Variants in NKAIN2 observed in about 807,000 individuals in gnomAD.
The protein encoded by NKAIN2 is sodium/potassium transporting ATPase interacting 2.
In NKAIN2, 14 loss-of-function variants were observed where a neutral mutation model predicts 32.6. The observed-to-expected ratio is 0.43, with a 90% CI of 0.28 to 0.67. The LOEUF is 0.67. Among genes scored for constraint, NKAIN2 ranks in the 30% least tolerant of loss-of-function variants. NKAIN2 has a pLI of 0.17. For missense variants in NKAIN2, 198 were observed against 258.3 expected, an observed-to-expected ratio of 0.77 and a Z score of 1.60; for synonymous variants, 80 against 87.2, an observed-to-expected ratio of 0.92 and a Z score of 0.46.
intron 1 of NKAIN2, among the ~76,000 whole-genome samples, chr6:124,065,975 A>C (rs758600597): frequency 1.3e-5 from 2 of 152,170 alleles, no homozygotes; most frequent in South Asian, 4.1e-4. Flanking sequence ...TCTCAAGTGC[A>C]TGAATGTCTA....
At chr6:124,195,423 G>C (rs896264632) in intron 1 of NKAIN2, among the ~76,000 whole-genome samples, 1 of 152,122 alleles carries the variant, frequency 6.6e-6, no homozygotes, top group Non-Finnish European at 1.5e-5. Flanking sequence ...ATCCCCTGCT[G>C]TTCAGTCTCT....
chr6:124,769,555 A>T (rs1295153182), intron 4 of NKAIN2, among the ~76,000 whole-genome samples: 1 of 152,146 alleles, frequency 6.6e-6, no homozygotes, highest in Non-Finnish European at 1.5e-5. Context: ...ACTTTGAAAG[A>T]TTATAAAAAA....
chr6:124,509,236 T>C (rs1250878229), intron 3 of NKAIN2, among the ~76,000 whole-genome samples: 17 of 152,190 alleles, frequency 1.1e-4, no homozygotes, highest in Admixed American at 3.9e-4. Flanking sequence ...CAATTTTATC[T>C]GATGATTAAG....
chr6:124,384,770 G>A (rs6911696), intron 3 of NKAIN2, among the ~76,000 whole-genome samples: 19,632 of 152,056 alleles, frequency 0.13, 1,442 homozygotes, highest in African/African-American at 0.19. Context: ...AAGGACCACA[G>A]GCATGTGTAA....
intron 3 of NKAIN2, among the ~76,000 whole-genome samples, chr6:124,641,816 A>G (rs1338328564): frequency 6.6e-6 from 1 of 152,014 alleles, no homozygotes; most frequent in African/African-American, 2.4e-5. Flanking sequence ...TAGCCTCCCA[A>G]AGTGCTGGAT....
At chr6:124,005,251 CAG>C (rs1276181864) in intron 1 of NKAIN2, among the ~76,000 whole-genome samples, 1 of 151,924 alleles carries the variant, frequency 6.6e-6, no homozygotes, top group Non-Finnish European at 1.5e-5. Flanking sequence ...CGAAACAAAA[CAG>C]AAAGGAAAAC....
chr6:123,961,191 GA>G (rs1162064297), intron 1 of NKAIN2, among the ~76,000 whole-genome samples: 23 of 147,586 alleles, frequency 1.6e-4, no homozygotes, highest in South Asian at 6.5e-4. Flanking sequence ...AGACAAAGCA[GA>G]AAAAAAAAAG....
At chr6:124,203,971 A>G (rs912291213) in intron 1 of NKAIN2, among the ~76,000 whole-genome samples, 3 of 151,928 alleles carry the variant, frequency 2.0e-5, no homozygotes, top group Admixed American at 6.6e-5. Flanking sequence ...TCATAAACTC[A>G]TAAACAAGCA....
intron 3 of NKAIN2, among the ~76,000 whole-genome samples, chr6:124,647,761 A>T (rs1430063814): frequency 1.3e-5 from 2 of 152,122 alleles, no homozygotes; most frequent in African/African-American, 4.8e-5. Context: ...ATAACGGAGA[A>T]ATTTCCACAT....
chr6:123,881,302 A>G (rs1773442923), intron 1 of NKAIN2, among the ~76,000 whole-genome samples: 1 of 152,194 alleles, frequency 6.6e-6, no homozygotes, highest in Non-Finnish European at 1.5e-5. Context: ...GATTACAAAC[A>G]TGAGTCACCA....
At chr6:124,816,999 A>G (rs538303852) in intron 5 of NKAIN2, among the ~76,000 whole-genome samples, 5 of 152,334 alleles carry the variant, frequency 3.3e-5, no homozygotes, top group Admixed American at 6.5e-5. Flanking sequence ...TATTACGCTC[A>G]TAGGCTCTGT....
intron 1 of NKAIN2, among the ~76,000 whole-genome samples, chr6:123,947,404 A>G (rs568619370): frequency 9.2e-5 from 14 of 152,308 alleles, no homozygotes; most frequent in African/African-American, 3.4e-4. Flanking sequence ...TGTAAAATTA[A>G]CTTGTATTCT....
At chr6:123,901,841 G>A (rs968113349) in intron 1 of NKAIN2, among the ~76,000 whole-genome samples, 1 of 152,110 alleles carries the variant, frequency 6.6e-6, no homozygotes, top group East Asian at 1.9e-4. Flanking sequence ...AATTGAGAAA[G>A]TATAGCTTAA....
chr6:124,458,379 A>G (rs566827355), intron 3 of NKAIN2, among the ~76,000 whole-genome samples: 1 of 152,026 alleles, frequency 6.6e-6, no homozygotes, highest in Non-Finnish European at 1.5e-5. Context: ...TGAAAACTAT[A>G]CTATTGTTTT....
chr6:124,119,454 C>T (rs1025955225), intron 1 of NKAIN2, among the ~76,000 whole-genome samples: 19 of 152,148 alleles, frequency 1.2e-4, no homozygotes, highest in Non-Finnish European at 1.9e-4. Context: ...ATTTATTCCT[C>T]ACAGGGTTGC....
At chr6:123,906,962 A>G (rs1774909938) in intron 1 of NKAIN2, among the ~76,000 whole-genome samples, 1 of 152,220 alleles carries the variant, frequency 6.6e-6, no homozygotes, top group Non-Finnish European at 1.5e-5. Flanking sequence ...AAAGACAAGT[A>G]CTTTTTTAAG....
At chr6:124,681,577 T>C (rs1404126650) in intron 4 of NKAIN2, among the ~76,000 whole-genome samples, 2 of 152,112 alleles carry the variant, frequency 1.3e-5, no homozygotes, top group Non-Finnish European at 2.9e-5. Context: ...TGCTGCAGAA[T>C]GATGTAGTTT....
Position 124,247,313 on chromosome 6 carries a change from G to A in NKAIN2, c.55-35692G>A, listed in dbSNP as rs998388214. Reference sequence around the variant, plus strand: ...GTGTGTGAGTATATGTTTGTGCTGAGACATTTTTAAAAATTGCTTTTGCTT... The same window carrying A: ...GTGTGTGAGTATATGTTTGTGCTGAAACATTTTTAAAAATTGCTTTTGCTT... On this transcript the variant is annotated intron_variant, in intron 1 of 6. Coordinates refer to ENST00000368417, the MANE Select transcript of NKAIN2 (RefSeq NM_001040214.3). 3.3e-5 allele frequency among the ~76,000 whole-genome samples: 5 copies of A among 152,216 alleles called. No individual in the cohort carries two copies. In the East Asian group the frequency reaches 9.7e-4, roughly 29 times the overall value.
At chr6:124,072,672 A>T (rs1301252008) in intron 1 of NKAIN2, among the ~76,000 whole-genome samples, 1 of 152,132 alleles carries the variant, frequency 6.6e-6, no homozygotes, top group Admixed American at 6.6e-5. Context: ...TCCTGCCTGA[A>T]TGGCAGACTC....
Sources: gnomAD v4.1 joint callset for allele counts (sites outside exome capture counted in the v4.1 genomes callset) on GRCh38, gnomAD v4.1.1 for gene constraint, MANE v1.5 for transcripts, NCBI Gene and HGNC (gene_info 2026-07-23, HGNC 2026-07-21) for gene names.